NPAS3: variants seen among roughly 807,000 people sequenced by gnomAD.
NPAS3 encodes the protein neuronal PAS domain protein 3.
In NPAS3, 14 loss-of-function variants were observed where a neutral mutation model predicts 73.1. The ratio of observed to expected loss-of-function variants is 0.19; its 90% CI spans 0.13 to 0.30. The LOEUF (loss-of-function observed/expected upper bound fraction) is 0.30. Among genes scored for constraint, NPAS3 ranks in the 10% least tolerant of loss-of-function variants. The pLI is 1.00. For missense variants in NPAS3, 1,096 were observed against 1,250.0 expected, an observed-to-expected ratio of 0.88 and a Z score of 1.86; for synonymous variants, 620 against 541.5, an observed-to-expected ratio of 1.14 and a Z score of -2.01.
chr14:33,708,347 A>T (rs1461542877), intron 6 of NPAS3, among the ~76,000 whole-genome samples: 1 of 152,214 alleles, frequency 6.6e-6, no homozygotes, highest in African/African-American at 2.4e-5. Context: ...TGGGTGTGAT[A>T]CATTTTGACT....
At chr14:33,678,531 C>A (rs886816286) in intron 6 of NPAS3, among the ~76,000 whole-genome samples, 2 of 152,284 alleles carry the variant, frequency 1.3e-5, no homozygotes, top group Admixed American at 1.3e-4. Flanking sequence ...CTTCAGTTTG[C>A]AGAGAACCCT....
chr14:33,288,653 A>C (rs576395120), intron 3 of NPAS3, among the ~76,000 whole-genome samples: 1 of 152,018 alleles, frequency 6.6e-6, no homozygotes, highest in East Asian at 1.9e-4. Flanking sequence ...GTCAGGAGAG[A>C]GTTTACATTT....
intron 2 of NPAS3, among the ~76,000 whole-genome samples, chr14:33,179,187 G>A (rs1187485646): frequency 6.6e-6 from 1 of 152,078 alleles, no homozygotes; most frequent in South Asian, 2.1e-4. Flanking sequence ...TGATGTTGGA[G>A]TTGGTTTGCT....
chr14:33,204,422 C>G (rs915409813), intron 2 of NPAS3, among the ~76,000 whole-genome samples: 1 of 152,094 alleles, frequency 6.6e-6, no homozygotes, highest in Admixed American at 6.6e-5. Context: ...GTCTGTGTTG[C>G]AAAGCTTGGT....
chr14:33,506,344 G>T (rs961269293), intron 4 of NPAS3, among the ~76,000 whole-genome samples: 1 of 151,630 alleles, frequency 6.6e-6, no homozygotes, highest in Non-Finnish European at 1.5e-5. Context: ...TTCCTTAAAG[G>T]TATATAAATA....
At chr14:33,291,544 A>G (rs1454100598) in intron 3 of NPAS3, among the ~76,000 whole-genome samples, 1 of 152,240 alleles carries the variant, frequency 6.6e-6, no homozygotes, top group African/African-American at 2.4e-5. Flanking sequence ...AATTTGTAAT[A>G]GAAAGAGGTG....
chr14:33,195,397 A>G (rs1055857270), intron 2 of NPAS3, among the ~76,000 whole-genome samples: 2 of 151,938 alleles, frequency 1.3e-5, no homozygotes, highest in Admixed American at 6.6e-5. Context: ...CAGCCTCCCA[A>G]ATAGCTGGGA....
chr14:33,275,718 T>G (rs543819048), intron 3 of NPAS3, among the ~76,000 whole-genome samples: 2 of 152,212 alleles, frequency 1.3e-5, no homozygotes, highest in African/African-American at 2.4e-5. Flanking sequence ...CCTTCTTTTC[T>G]TTTTTGCTTT....
intron 3 of NPAS3, among the ~76,000 whole-genome samples, chr14:33,299,531 C>A (rs1337708035): frequency 3.3e-5 from 5 of 152,112 alleles, no homozygotes; most frequent in Non-Finnish European, 1.5e-5. Context: ...TGGAGGGAAT[C>A]CAGATCTTGC....
At chr14:33,630,284 TTGA>T (rs1243637137) in intron 5 of NPAS3, among the ~76,000 whole-genome samples, 2 of 152,210 alleles carry the variant, frequency 1.3e-5, no homozygotes, top group Admixed American at 1.3e-4. Flanking sequence ...CTCTGTCTCC[TTGA>T]TGATGAGTAA....
intron 4 of NPAS3, among the ~76,000 whole-genome samples, chr14:33,445,570 A>G (rs2049449395): frequency 6.6e-6 from 1 of 152,246 alleles, no homozygotes; most frequent in Non-Finnish European, 1.5e-5. Flanking sequence ...AACAAAAAAT[A>G]TGTTGACACT....
intron 4 of NPAS3, among the ~76,000 whole-genome samples, chr14:33,535,802 T>C (rs1225548938): frequency 6.6e-6 from 1 of 152,228 alleles, no homozygotes; most frequent in Non-Finnish European, 1.5e-5. Flanking sequence ...CTTATTAGTT[T>C]TGTTAGTAAA....
intron 1 of NPAS3, among the ~76,000 whole-genome samples, chr14:33,003,502 A>G (rs1352382015): frequency 6.6e-6 from 1 of 152,224 alleles, no homozygotes; most frequent in Admixed American, 6.5e-5. Context: ...AGGCAAGCAC[A>G]ATCAAATAGA....
intron 5 of NPAS3, among the ~76,000 whole-genome samples, chr14:33,579,750 T>C (rs886177314): frequency 2.0e-5 from 3 of 152,006 alleles, no homozygotes; most frequent in Non-Finnish European, 2.9e-5. Context: ...GTATCAAAAA[T>C]AAACTGTGTA....
chr14:33,684,218 G>T (rs1292065856), intron 6 of NPAS3, among the ~76,000 whole-genome samples: 1 of 99,262 alleles, frequency 1.0e-5, no homozygotes, highest in Non-Finnish European at 1.9e-5. Flanking sequence ...GTATTTCATT[G>T]TGCTGTGGGT....
At chr14:33,054,987 C>G (rs1056905773) in intron 1 of NPAS3, among the ~76,000 whole-genome samples, 11 of 152,122 alleles carry the variant, frequency 7.2e-5, no homozygotes, top group African/African-American at 1.4e-4. Context: ...TAAGTATCTA[C>G]TGGCTTAGGG....
At chr14:33,785,660 A>G (rs902077633) in intron 9 of NPAS3, among the ~76,000 whole-genome samples, 37 of 152,170 alleles carry the variant, frequency 2.4e-4, no homozygotes, top group Admixed American at 1.6e-3. Flanking sequence ...GATTTAATTC[A>G]TGTATGTGTC....
intron 5 of NPAS3, among the ~76,000 whole-genome samples, chr14:33,613,200 C>G (rs977926187): frequency 1.3e-5 from 2 of 152,162 alleles, no homozygotes; most frequent in Non-Finnish European, 2.9e-5. Context: ...TGGAGGGCAC[C>G]TGCTCCTGGC....
At chr14:33,038,674 G>A (rs79362278) in intron 1 of NPAS3, among the ~76,000 whole-genome samples, 90 of 152,210 alleles carry the variant, frequency 5.9e-4, no homozygotes, top group African/African-American at 2.0e-3. Flanking sequence ...TGTTGGGTAC[G>A]CACACTGGAA....
Sources: allele counts gnomAD v4.1 joint callset (sites outside exome capture counted in the v4.1 genomes callset), GRCh38; gene constraint gnomAD v4.1.1; transcripts MANE v1.5; gene names NCBI Gene and HGNC (gene_info 2026-07-23, HGNC 2026-07-21).